The following USH2A variants were observed in gnomAD, a reference collection of about 807,000 sequenced individuals.
USH2A encodes the protein usherin, also known as Usher syndrome 2A (autosomal recessive, mild).
A neutral mutation model predicts 538.9 loss-of-function variants in USH2A; 443 were observed. The ratio of observed to expected loss-of-function variants is 0.82; its 90% CI spans 0.76 to 0.89. The LOEUF (loss-of-function observed/expected upper bound fraction) is 0.89. Among genes scored for constraint, USH2A ranks in the 40% least tolerant of loss-of-function variants. USH2A has a pLI of 0.00. For missense variants in USH2A, 6,633 were observed against 6,324.8 expected (o/e 1.05, Z -1.65); for synonymous variants, 2,413 against 2,273.5 (o/e 1.06, Z -1.75).
chr1:215,782,789 T>G lies in USH2A; in HGVS notation c.10534A>C (p.Asn3512His), dbSNP rs758985068. 1.9e-5 allele frequency: 31 copies of G among 1,613,930 alleles called. No individual in the cohort carries two copies. In the South Asian group the frequency reaches 2.6e-4, roughly 14 times the overall value. Reference sequence around the variant, plus strand: ...TTTAAGACAATTGTATCTTCAAGATTGTCTATTTTGGTCCACGTAGGGGGA... The same window carrying G: ...TTTAAGACAATTGTATCTTCAAGATGGTCTATTTTGGTCCACGTAGGGGGA... ...VSPPTWTKID[N>H]LEDTIVLNWR... Residue 3512 changes from asparagine (N) to histidine (H), a missense_variant, in exon 53 of 72, where the codon AAT becomes CAT. Coordinates refer to ENST00000307340, the MANE Select transcript of USH2A (RefSeq NM_206933.4).
chr1:215,852,100 A>T (rs187631843), intron 44 of USH2A, among the ~76,000 whole-genome samples: 114 of 152,308 alleles, frequency 7.5e-4, no homozygotes, highest in African/African-American at 2.6e-3. Flanking sequence ...GGAAAAGTGG[A>T]AAGCTGTATT....
At chr1:215,702,917 T>C (rs1362756164) in intron 61 of USH2A, among the ~76,000 whole-genome samples, 1 of 152,132 alleles carries the variant, frequency 6.6e-6, no homozygotes, top group Non-Finnish European at 1.5e-5. Flanking sequence ...TTTCAGCCTT[T>C]TTGCGCTGGT....
At chr1:216,287,161 T>C (rs2036902011) in intron 11 of USH2A, among the ~76,000 whole-genome samples, 1 of 152,190 alleles carries the variant, frequency 6.6e-6, no homozygotes, top group Non-Finnish European at 1.5e-5. Flanking sequence ...AGGCAACCAA[T>C]GTATTCTACT....
intron 21 of USH2A, among the ~76,000 whole-genome samples, chr1:216,156,284 CTTTT>C (rs1403473601): frequency 9.7e-6 from 1 of 102,588 alleles, no homozygotes; most frequent in Non-Finnish European, 1.9e-5. Flanking sequence ...TTCTTTCTTT[CTTTT>C]TTTTTTCTTT....
chr1:216,044,138 G>A (rs1408044931), intron 32 of USH2A, among the ~76,000 whole-genome samples: 1 of 152,004 alleles, frequency 6.6e-6, no homozygotes. Context: ...GCAAACCGAT[G>A]AACAAACAAA....
At chr1:216,265,185 T>C (rs2036447915) in intron 11 of USH2A, among the ~76,000 whole-genome samples, 1 of 151,762 alleles carries the variant, frequency 6.6e-6, no homozygotes. Context: ...TTAAAACAGG[T>C]GCAAATGGTC....
At chr1:215,715,264 T>A (rs1659451296) in intron 61 of USH2A, among the ~76,000 whole-genome samples, 1 of 152,184 alleles carries the variant, frequency 6.6e-6, no homozygotes, top group South Asian at 2.1e-4. Flanking sequence ...CCAGGTTAGT[T>A]TGCTGAGGAT....
chr1:216,083,951 T>C (rs2032032446), intron 25 of USH2A, among the ~76,000 whole-genome samples: 1 of 151,624 alleles, frequency 6.6e-6, no homozygotes. Flanking sequence ...ATGTGTAGAT[T>C]ATATTATTAA....
chr1:216,382,380 T>C (rs2038936186), intron 3 of USH2A, among the ~76,000 whole-genome samples: 1 of 152,168 alleles, frequency 6.6e-6, no homozygotes, highest in African/African-American at 2.4e-5. Flanking sequence ...ACATGTGCAG[T>C]TGTAGCAACA....
Position 216,140,525 on chromosome 1 carries a change from C to T in USH2A, c.4627+34727G>A, listed in dbSNP as rs576274983. On this transcript the variant is annotated intron_variant, in intron 21 of 71. Coordinates refer to ENST00000307340, the MANE Select transcript of USH2A (RefSeq NM_206933.4). ...CCTATGAGTGCAGCCATAATAAAGC[C>T]AAGTAATTCAATATCCTCTCTCCCA... Among the ~76,000 whole-genome samples, 26 of 152,170 alleles carry T rather than the reference C, an allele frequency of 1.7e-4. No individual in the cohort carries two copies. In the South Asian group the frequency reaches 5.2e-3, roughly 30 times the overall value.
rs1572088897 is a variant in USH2A at position 216,247,080 on chromosome 1, C to T, written c.2314G>A (p.Ala772Thr). ...CAGGTGTCACACTGAAGTCCTTTGG[C>T]TTCTTTTTTGCACTCACACTGCCCA... is the stretch of plus-strand genomic sequence containing the variant. ...HSGQCECKKE[A>T]KGLQCDTCRE... The change falls in exon 13 of 72, where the codon GCC becomes ACC. Residue 772 changes from alanine to threonine, a missense_variant. Ala to Thr is a moderately conservative substitution (Grantham distance 58, BLOSUM62 0). Coordinates refer to ENST00000307340, the MANE Select transcript of USH2A (RefSeq NM_206933.4). 6.2e-7 allele frequency: 1 copy of T among 1,614,034 alleles called. No homozygotes were observed. Among genetic ancestry groups the T allele is most frequent in the Non-Finnish European group, 8.5e-7 (1 of 1,179,958 alleles).
At chr1:215,948,441 T>TAC (rs1345285617) in intron 37 of USH2A, among the ~76,000 whole-genome samples, 13 of 147,808 alleles carry the variant, frequency 8.8e-5, no homozygotes, top group South Asian at 2.1e-4. Flanking sequence ...TATATATATA[T>TAC]ATACACACAC....
At chr1:216,362,783 A>C (rs562136372) in intron 4 of USH2A, among the ~76,000 whole-genome samples, 16 of 151,812 alleles carry the variant, frequency 1.1e-4, no homozygotes, top group African/African-American at 2.7e-4. Context: ...TCTCTACTAA[A>C]AATACAAAAG....
rs1668200483 is a variant in USH2A, at chr1:215,998,960, T to C, written c.6584A>G (p.Asn2195Ser). The C allele has an allele frequency of 3.7e-6, 6 of 1,613,242 alleles. No homozygotes were observed. In the East Asian group the frequency reaches 1.3e-4, roughly 36 times the overall value. Residue 2195 changes from asparagine to serine, a missense_variant, in exon 34 of 72, where the codon AAC becomes AGC. By Grantham distance (46) the Asn-to-Ser change is conservative (BLOSUM62 1). Transcript: ENST00000307340. ...HDFTIWSVIY[N>S]STELFQDHML... is the part of the protein sequence containing the mutation. ...ATGATCCTGGAAAAGTTCTGTACTG[T>C]TATAGATGACACTCCAAATTGTAAA...
At chr1:215,797,618 T>C (rs554541637) in intron 50 of USH2A, among the ~76,000 whole-genome samples, 2 of 152,122 alleles carry the variant, frequency 1.3e-5, no homozygotes, top group South Asian at 4.1e-4. Flanking sequence ...TGCTTGTAAA[T>C]GGAACAAAAA....
At chr1:216,010,265 T>C (rs540094725) in intron 32 of USH2A, among the ~76,000 whole-genome samples, 4 of 152,244 alleles carry the variant, frequency 2.6e-5, no homozygotes, top group Admixed American at 2.0e-4. Context: ...AACCTCCTCC[T>C]CCAGGAGCTT....
intron 3 of USH2A, among the ~76,000 whole-genome samples, chr1:216,373,631 C>A (rs750465439): frequency 1.3e-5 from 2 of 152,102 alleles, no homozygotes; most frequent in East Asian, 3.9e-4. Flanking sequence ...TACATAAGCA[C>A]GATGTAAACA....
intron 43 of USH2A, among the ~76,000 whole-genome samples, chr1:215,872,642 T>G (rs1664653456): frequency 6.6e-6 from 1 of 152,198 alleles, no homozygotes. Flanking sequence ...AAGTTCATTT[T>G]TCATGAGTGA....
In USH2A at chr1:215,934,758, G is replaced by A. The variant is rs866708322; in HGVS notation, c.7158C>T (p.Val2386=). 1 of 1,612,516 alleles carries A rather than the reference G, an allele frequency of 6.2e-7. No homozygotes were observed. The change falls in exon 38 of 72, where the codon GTC becomes GTT. Residue 2386 remains valine, a synonymous_variant. Coordinates refer to ENST00000307340, the MANE Select transcript of USH2A (RefSeq NM_206933.4). ...NNYTLLNVTK[V]MYSGEETNLW... ...GGTTTGTCTCTTCTCCGCTGTACAT[G>A]ACTTTTGTGACATTCAGAAGGGTGT...
Sources: allele counts gnomAD v4.1 joint callset (sites outside exome capture counted in the v4.1 genomes callset), GRCh38; gene constraint gnomAD v4.1.1; transcripts MANE v1.5; gene names NCBI Gene and HGNC (gene_info 2026-07-23, HGNC 2026-07-21).